The following UMAD1 variants were observed in gnomAD, a reference collection of about 807,000 sequenced individuals.
The protein encoded by UMAD1 is UBAP1-MVB12-associated (UMA) domain containing 1, also known as UBAP1-MVB12-associated (UMA)-domain containing protein 1.
UMAD1 carries 8 observed loss-of-function variants against 6.1 expected under a neutral mutation model. That is an observed-to-expected ratio of 1.30 (90% CI 0.76 to 2.35). The LOEUF (loss-of-function observed/expected upper bound fraction) is 2.35, where lower values mean the gene tolerates loss of function less well. Among genes scored for constraint, UMAD1 ranks in the 30% most tolerant of loss-of-function variants. The pLI is 0.00. For missense variants in UMAD1, 130 were observed against 78.4 expected, an observed-to-expected ratio of 1.66 and a Z score of -2.49; for synonymous variants, 56 against 31.4, an observed-to-expected ratio of 1.78 and a Z score of -2.61.
intron 2 of UMAD1, among the ~76,000 whole-genome samples, chr7:7,754,795 C>G (rs1158289891): frequency 6.6e-6 from 1 of 152,094 alleles, no homozygotes; most frequent in Non-Finnish European, 1.5e-5. Context: ...CAAAGGACAT[C>G]ACTGCAGTAT....
intron 2 of UMAD1, among the ~76,000 whole-genome samples, chr7:7,756,837 T>A (rs1235591890): frequency 6.6e-6 from 1 of 152,234 alleles, no homozygotes; most frequent in East Asian, 1.9e-4. Flanking sequence ...TCAGAATTCC[T>A]TAAAGTCTGG....
chr7:7,806,408 AG>A (rs1427010746), intron 3 of UMAD1, among the ~76,000 whole-genome samples: 1 of 152,118 alleles, frequency 6.6e-6, no homozygotes, highest in African/African-American at 2.4e-5. Flanking sequence ...GTCTTTTATG[AG>A]TTCACTATAG....
chr7:7,812,700 A>G (rs1783043839), intron 3 of UMAD1, among the ~76,000 whole-genome samples: 1 of 151,852 alleles, frequency 6.6e-6, no homozygotes, highest in Non-Finnish European at 1.5e-5. Flanking sequence ...CCTTGTTGTC[A>G]TTGTTTCCAG....
intron 3 of UMAD1, among the ~76,000 whole-genome samples, chr7:7,829,920 T>G (rs1192639479): frequency 6.6e-6 from 1 of 152,174 alleles, no homozygotes; most frequent in Non-Finnish European, 1.5e-5. Flanking sequence ...GTCTCCTACC[T>G]GTCCTCTCCT....
In UMAD1 at chr7:7,831,235, C is replaced by T. The variant is rs543033643; in HGVS notation, c.156+29492C>T. Among the ~76,000 whole-genome samples, 30 of 152,278 alleles carry T rather than the reference C, an allele frequency of 2.0e-4. No individual in the cohort carries two copies. The South Asian group carries it at 5.0e-3, about 25-fold the overall frequency. On this transcript the variant is annotated intron_variant, in intron 3 of 3. Transcript: ENST00000682710. Reference sequence around the variant, plus strand: ...ATTTTTGTGTTCAGCATGTCCTTATCTTAAAAGTTGCTGTCGCCAGGATAT... The same window carrying T: ...ATTTTTGTGTTCAGCATGTCCTTATTTTAAAAGTTGCTGTCGCCAGGATAT...
At chr7:7,720,273 G>A (rs1442635011) in intron 2 of UMAD1, among the ~76,000 whole-genome samples, 1 of 152,098 alleles carries the variant, frequency 6.6e-6, no homozygotes, top group Admixed American at 6.6e-5. Flanking sequence ...AATAAAGGGG[G>A]AAATGGGATG....
At chr7:7,643,602 C>T (rs1005486869) in intron 1 of UMAD1, among the ~76,000 whole-genome samples, 19 of 152,114 alleles carry the variant, frequency 1.2e-4, no homozygotes, top group African/African-American at 3.4e-4. Context: ...GTCCCAGCTA[C>T]TCGGGAGGCT....
chr7:7,657,159 G>A (rs773313809), intron 1 of UMAD1, among the ~76,000 whole-genome samples: 11 of 151,918 alleles, frequency 7.2e-5, no homozygotes, highest in Non-Finnish European at 1.5e-4. Flanking sequence ...TTTTTGATGG[G>A]GTTGTTTTTT....
At chr7:7,754,316 A>AT (rs1245393901) in intron 2 of UMAD1, among the ~76,000 whole-genome samples, 1 of 152,134 alleles carries the variant, frequency 6.6e-6, no homozygotes, top group Admixed American at 6.5e-5. Flanking sequence ...AGGTGACATG[A>AT]TATCTTATTG....
At chr7:7,739,170 C>G (rs1220212904) in intron 2 of UMAD1, among the ~76,000 whole-genome samples, 1 of 152,132 alleles carries the variant, frequency 6.6e-6, no homozygotes, top group Non-Finnish European at 1.5e-5. Context: ...AGGAAATTAG[C>G]ATAGTTTGTT....
intron 2 of UMAD1, among the ~76,000 whole-genome samples, chr7:7,782,939 G>A (rs1426013924): frequency 6.6e-6 from 1 of 152,090 alleles, no homozygotes; most frequent in Non-Finnish European, 1.5e-5. Context: ...TGCCATGTTG[G>A]CCAGGCTGGT....
chr7:7,683,285 A>G (rs992884214), intron 2 of UMAD1, among the ~76,000 whole-genome samples: 8 of 152,182 alleles, frequency 5.3e-5, no homozygotes, highest in Non-Finnish European at 8.8e-5. Context: ...GCTGGGACCC[A>G]TTCCTAGATT....
intron 2 of UMAD1, among the ~76,000 whole-genome samples, chr7:7,681,473 C>G (rs1779911110): frequency 6.6e-6 from 1 of 151,916 alleles, no homozygotes; most frequent in Non-Finnish European, 1.5e-5. Flanking sequence ...ATTTCGAAAG[C>G]TTTTAGCCTC....
chr7:7,820,374 A>C (rs1399317507), intron 3 of UMAD1, among the ~76,000 whole-genome samples: 2 of 152,238 alleles, frequency 1.3e-5, no homozygotes, highest in African/African-American at 2.4e-5. Context: ...CTATAAGTCC[A>C]CTGACTTTTT....
At chr7:7,669,724 G>A (rs1207339184) in intron 1 of UMAD1, among the ~76,000 whole-genome samples, 1 of 152,178 alleles carries the variant, frequency 6.6e-6, no homozygotes, top group Non-Finnish European at 1.5e-5. Flanking sequence ...GAGTTAAGTT[G>A]GTGGTCAGAT....
intron 2 of UMAD1, among the ~76,000 whole-genome samples, chr7:7,716,342 TA>T (rs1167182828): frequency 6.6e-6 from 1 of 152,238 alleles, no homozygotes; most frequent in Non-Finnish European, 1.5e-5. Flanking sequence ...GAAAGAAATT[TA>T]GGCAGTTAGT....
chr7:7,745,269 A>C (rs1372432968), intron 2 of UMAD1, among the ~76,000 whole-genome samples: 1 of 152,140 alleles, frequency 6.6e-6, no homozygotes, highest in Non-Finnish European at 1.5e-5. Context: ...GGGGAAGAAA[A>C]TACACGTATA....
At position 7,665,374 on chromosome 7, in the gene UMAD1, T is replaced by G. The variant is rs1779417688; in HGVS notation, c.-63-7935T>G. Among the ~76,000 whole-genome samples, 3 of 152,202 alleles carry G rather than the reference T, an allele frequency of 2.0e-5. No individual in the cohort carries two copies. The South Asian group carries it at 6.2e-4, about 31-fold the overall frequency. On this transcript the variant is annotated intron_variant, in intron 1 of 3. Transcript: ENST00000682710. ...AGTGTCCTTTTATTTTCTAGTTTTG[T>G]GTGATGCATGCAGAAAAGAAACATT...
intron 2 of UMAD1, among the ~76,000 whole-genome samples, chr7:7,782,662 T>A (rs1782369727): frequency 1.3e-5 from 2 of 152,082 alleles, no homozygotes; most frequent in Non-Finnish European, 2.9e-5. Context: ...TTAATCCTAG[T>A]TAATCCACGT....
Sources: allele counts gnomAD v4.1 joint callset (sites outside exome capture counted in the v4.1 genomes callset), GRCh38; gene constraint gnomAD v4.1.1; transcripts MANE v1.5; gene names NCBI Gene and HGNC (gene_info 2026-07-23, HGNC 2026-07-21).